KIF16B: variants seen among roughly 807,000 people sequenced by gnomAD.
KIF16B encodes kinesin family member 16B, also known as kinesin-like protein KIF16B.
A neutral mutation model predicts 156.3 loss-of-function variants in KIF16B; 98 were observed. The ratio of observed to expected loss-of-function variants is 0.63; its 90% CI spans 0.53 to 0.74. KIF16B has a LOEUF of 0.74. KIF16B is among the 30% of genes least tolerant of loss of function. The pLI, the probability that KIF16B is intolerant of heterozygous loss-of-function variation, is 0.00. For synonymous variants in KIF16B, 564 were observed against 583.7 expected (o/e 0.97, Z 0.49); for missense variants, 1,421 against 1,606.5 (o/e 0.88, Z 1.97).
chr20:16,383,587 G>C (rs552121483), intron 17 of KIF16B, among the ~76,000 whole-genome samples: 3 of 152,226 alleles, frequency 2.0e-5, no homozygotes, highest in Admixed American at 6.5e-5. Flanking sequence ...GTAGTCCTAG[G>C]ACTTCATTAA....
At chr20:16,392,127 C>CT (rs1273455006) in intron 17 of KIF16B, among the ~76,000 whole-genome samples, 1 of 152,158 alleles carries the variant, frequency 6.6e-6, no homozygotes, top group African/African-American at 2.4e-5. Flanking sequence ...ACCATGACTC[C>CT]TTTATTTTGT....
intron 24 of KIF16B, among the ~76,000 whole-genome samples, chr20:16,324,014 A>G (rs1038048488): frequency 2.6e-5 from 4 of 151,978 alleles, no homozygotes; most frequent in African/African-American, 9.7e-5. Flanking sequence ...ACTTGAGGAC[A>G]TTCATATGTG....
intron 16 of KIF16B, 32 bp from the exon 17 acceptor site, chr20:16,404,933 T>C (rs1458306833): frequency 6.5e-7 from 1 of 1,543,164 alleles, no homozygotes; most frequent in Admixed American, 1.7e-5. Context: ...AGTGGTTACC[T>C]TAGCAGAGAA....
chr20:16,547,069 AC>A (rs2070438135), intron 1 of KIF16B, among the ~76,000 whole-genome samples: 1 of 152,046 alleles, frequency 6.6e-6, no homozygotes, highest in Non-Finnish European at 1.5e-5. Flanking sequence ...GAGCCACCGC[AC>A]CCAGCTTTCA....
chr20:16,459,165 T>G (rs1018246433), intron 12 of KIF16B, among the ~76,000 whole-genome samples: 1 of 152,222 alleles, frequency 6.6e-6, no homozygotes, highest in African/African-American at 2.4e-5. Flanking sequence ...TTCTGACTTT[T>G]GAGAATTACA....
At chr20:16,445,538 T>A (rs2066910567) in intron 12 of KIF16B, among the ~76,000 whole-genome samples, 1 of 151,378 alleles carries the variant, frequency 6.6e-6, no homozygotes, top group African/African-American at 2.4e-5. Context: ...AAATCACAAA[T>A]GGCCTAGAAT....
intron 10 of KIF16B, among the ~76,000 whole-genome samples, chr20:16,498,984 G>A (rs930925480): frequency 2.0e-4 from 31 of 151,926 alleles, no homozygotes; most frequent in African/African-American, 7.2e-4. Context: ...TATACTGAAC[G>A]AAAGCAGAGC....
At chr20:16,457,022 C>G (rs1474551527) in intron 12 of KIF16B, among the ~76,000 whole-genome samples, 1 of 152,186 alleles carries the variant, frequency 6.6e-6, no homozygotes, top group Non-Finnish European at 1.5e-5. Context: ...TTTCCCTCCT[C>G]CTTTTCTCCA....
At chr20:16,324,535 G>A (rs1012038838) in intron 24 of KIF16B, among the ~76,000 whole-genome samples, 1 of 152,028 alleles carries the variant, frequency 6.6e-6, no homozygotes, top group Admixed American at 6.6e-5. Context: ...TATTGCAGAG[G>A]AAAGAGTAAT....
At chr20:16,303,652 G>A (rs543818152) in intron 25 of KIF16B, among the ~76,000 whole-genome samples, 7 of 152,222 alleles carry the variant, frequency 4.6e-5, no homozygotes, top group South Asian at 2.1e-4. Flanking sequence ...ACATATTAAC[G>A]GGCAGATACT....
In KIF16B at chr20:16,505,968, A is replaced by G. The variant is rs1027071033; in HGVS notation, c.868+54T>C. 6 of 1,609,036 alleles carry G rather than the reference A, an allele frequency of 3.7e-6. No homozygotes were observed. The African/African-American group carries it at 6.7e-5, about 18-fold the overall frequency. ...CCTCAGTTTGCAACCCAAATATTAC[A>G]CATGAGGAAAAAGAGGAGGAAACAG... On this transcript the variant is annotated intron_variant, in intron 8 of 25. Transcript: ENST00000354981.
chr20:16,449,768 G>C (rs979780183), intron 12 of KIF16B, among the ~76,000 whole-genome samples: 3 of 152,226 alleles, frequency 2.0e-5, no homozygotes, highest in Admixed American at 6.5e-5. Flanking sequence ...TTAAATGGAT[G>C]GAAGGTGGGT....
rs147568857 is a variant in KIF16B, at chr20:16,379,056, C to G, written c.2946G>C (p.Gln982His). Residue 982 changes from glutamine (Q) to histidine (H), a missense_variant, in exon 19 of 26, where the codon CAG (glutamine) becomes CAC (histidine). Physicochemically the swap from Gln to His is conservative, Grantham distance 24. Coordinates refer to ENST00000354981, the MANE Select transcript of KIF16B (RefSeq NM_024704.5). ...TTTCCTTTTTCCTCACTTTTTCCTC[C>G]TGACGTGCAATGTTGGCAGTGAATT... ...TFEFTANIARQEEKVRKKEKE... is the reference protein window; with the variant it reads ...TFEFTANIARHEEKVRKKEKE... 1.5e-5 allele frequency: 24 copies of G among 1,611,442 alleles called. No homozygotes were observed. The East Asian group carries it at 5.3e-4, about 36-fold the overall frequency.
At chr20:16,300,595 G>C (rs2063458114) in intron 25 of KIF16B, among the ~76,000 whole-genome samples, 1 of 152,096 alleles carries the variant, frequency 6.6e-6, no homozygotes, top group African/African-American at 2.4e-5. Context: ...GCAATTAAGA[G>C]AGAAAAGGAG....
intron 22 of KIF16B, among the ~76,000 whole-genome samples, chr20:16,369,525 A>C (rs993975038): frequency 3.9e-5 from 6 of 152,210 alleles, no homozygotes; most frequent in Admixed American, 3.9e-4. Context: ...GGGTTGATCC[A>C]CAGTACCCAC....
At position 16,541,832 on chromosome 20, in the gene KIF16B, C is replaced by T. The variant is rs2070214038; in HGVS notation, c.48-13392G>A. 3.3e-5 allele frequency among the ~76,000 whole-genome samples: 5 copies of T among 152,170 alleles called. No individual in the cohort carries two copies. In the South Asian group the frequency reaches 1.0e-3, roughly 32 times the overall value. ...ACTCCACAGGCAGTCCTGGGGCTAGCGTGGCCCTTCAGAGTTGCCACAGGT... is the reference window on the plus strand; with the variant it reads ...ACTCCACAGGCAGTCCTGGGGCTAGTGTGGCCCTTCAGAGTTGCCACAGGT... On this transcript the variant is annotated intron_variant, in intron 1 of 25. Transcript: ENST00000354981.
chr20:16,417,240 C>T (rs1327591152), intron 15 of KIF16B, among the ~76,000 whole-genome samples: 1 of 152,114 alleles, frequency 6.6e-6, no homozygotes, highest in Non-Finnish European at 1.5e-5. Context: ...GGATCTGATC[C>T]TCAGAAGAAT....
rs188362139 is a variant in KIF16B at position 16,370,648 on chromosome 20, A to C, written c.3448-12T>G. On this transcript the variant is annotated splice_polypyrimidine_tract_variant and intron_variant, in intron 21 of 25. Transcript: ENST00000354981. Reference sequence around the variant, plus strand: ...AGTTTCTCATTATCCTGAAAAGAAAAGAAAAAGCCCTCTATATTAAATTAT... The same window carrying C: ...AGTTTCTCATTATCCTGAAAAGAAACGAAAAAGCCCTCTATATTAAATTAT... 2,638 of 1,580,198 alleles carry C rather than the reference A, an allele frequency of 1.7e-3. 9 individuals carry two copies. Among genetic ancestry groups the C allele is most frequent in the Non-Finnish European group, 2.1e-3 (2,434 of 1,169,616 alleles).
intron 1 of KIF16B, among the ~76,000 whole-genome samples, chr20:16,548,076 C>A (rs1219138057): frequency 6.6e-6 from 1 of 152,176 alleles, no homozygotes; most frequent in East Asian, 1.9e-4. Context: ...TGGCTTATCC[C>A]ATAATGAGAT....
Sources: gnomAD v4.1 joint callset for allele counts (sites outside exome capture counted in the v4.1 genomes callset) on GRCh38, gnomAD v4.1.1 for gene constraint, MANE v1.5 for transcripts, NCBI Gene and HGNC (gene_info 2026-07-23, HGNC 2026-07-21) for gene names.